Variants in CPSF7 observed in about 807,000 individuals in gnomAD.
The protein encoded by CPSF7 is cleavage and polyadenylation specificity factor subunit 7.
In CPSF7, 1 loss-of-function variant was observed where a neutral mutation model predicts 44.3. That is an observed-to-expected ratio of 0.02 (90% CI 0.01 to 0.11). CPSF7 has a LOEUF of 0.11. CPSF7 is among the 10% of genes least tolerant of loss of function. The probability of loss-of-function intolerance (pLI) is 1.00; values close to 1 mark genes in which losing one functional copy is unlikely to be tolerated. For missense variants in CPSF7, 443 were observed against 607.2 expected, an observed-to-expected ratio of 0.73 and a Z score of 2.84; for synonymous variants, 202 against 222.0, an observed-to-expected ratio of 0.91 and a Z score of 0.80.
chr11:61,414,512 T>C (rs1215101647), intron 7 of CPSF7, among the ~76,000 whole-genome samples: 1 of 152,234 alleles, frequency 6.6e-6, no homozygotes, highest in Non-Finnish European at 1.5e-5. Flanking sequence ...AGGGAACATA[T>C]GTACTTTCTG....
intron 2 of CPSF7, among the ~76,000 whole-genome samples, chr11:61,422,037 A>G (rs1435905964): frequency 6.6e-6 from 1 of 152,212 alleles, no homozygotes; most frequent in Non-Finnish European, 1.5e-5. Flanking sequence ...TCACTTGTCT[A>G]TTTAATAATA....
At chr11:61,422,723 T>C (rs1199726597) in intron 2 of CPSF7, among the ~76,000 whole-genome samples, 1 of 152,220 alleles carries the variant, frequency 6.6e-6, no homozygotes, top group Non-Finnish European at 1.5e-5. Flanking sequence ...ACAATATGAA[T>C]ATGTATTATG....
At chr11:61,424,335 T>C (rs1231462609) in intron 2 of CPSF7, among the ~76,000 whole-genome samples, 5 of 152,210 alleles carry the variant, frequency 3.3e-5, no homozygotes. Context: ...AAATCACTCT[T>C]CTATTCATGT....
At position 61,403,735 on chromosome 11, in the gene CPSF7, G is replaced by C. The variant is rs1442758475; in HGVS notation, c.*975C>G. The C allele has an allele frequency of 2.6e-5, 4 of 152,212 alleles. No homozygotes were observed. The highest frequency in any genetic ancestry group is 9.7e-5 in the African/African-American group (4 of 41,438). The allele number at this position is 152,212 out of a possible 1,614,324, so 9.4% of individuals were successfully genotyped here. ...AGCCTATGGAAGTAGGCCATATCCT[G>C]CCCAACTTGCTTCTTTCCCCATTCC... On this transcript the variant is annotated 3_prime_UTR_variant, in exon 10 of 10. Transcript: ENST00000439958.
At chr11:61,416,833 T>C (rs930172675) in intron 5 of CPSF7, among the ~76,000 whole-genome samples, 1 of 152,214 alleles carries the variant, frequency 6.6e-6, no homozygotes, top group Admixed American at 6.5e-5. Context: ...AGGATCCTGA[T>C]AGCCCACGAG....
Position 61,419,897 on chromosome 11 carries a change from C to G in CPSF7, c.523+52G>C, listed in dbSNP as rs7940494. The G allele has an allele frequency of 2.8e-3, 4,429 of 1,601,552 alleles. 119 individuals carry two copies. The African/African-American group carries it at 0.053, about 19-fold the overall frequency. On this transcript the variant is annotated intron_variant, in intron 5 of 9. Transcript: ENST00000439958. ...GAAAACAAACCCACAAACACCCCCC[C>G]CTCATACAGATGGTCTCCACGTACC...
At chr11:61,410,669 G>GGA (rs1403144099) in intron 9 of CPSF7, 1 of 287,266 alleles carries the variant, frequency 3.5e-6, no homozygotes, top group East Asian at 6.5e-5. Flanking sequence ...GGAGAAACTG[G>GGA]GATTCAAATT....
At position 61,416,387 on chromosome 11, in the gene CPSF7, G is replaced by A. The variant is rs1860341578; in HGVS notation, c.656C>T (p.Pro219Leu). The A allele has an allele frequency of 2.5e-6, 4 of 1,613,198 alleles. No individual in the cohort carries two copies. Among genetic ancestry groups the A allele is most frequent in the Non-Finnish European group, 3.4e-6 (4 of 1,179,486 alleles). ...PPSVLPYFNR[P>L]PSALPLMGLP... is the part of the protein sequence containing the mutation. ...ACCCATCAGGGGAAGGGCCGAAGGA[G>A]GACGATTGAAGTAGGGCAGCACACT... Residue 219 changes from proline (P) to leucine (L), a missense_variant, in exon 6 of 10, where the codon CCT becomes CTT. Transcript: ENST00000439958.
chr11:61,429,243 G>A lies in CPSF7; in HGVS notation c.-8C>T. ...GTCCACTCCTTCTGACATGGCTCCG[G>A]AAGGAAGATCGCGAGTCCGGAGGAT... On this transcript the variant is annotated 5_prime_UTR_variant, in exon 2 of 10. Coordinates refer to ENST00000439958, the MANE Select transcript of CPSF7 (RefSeq NM_001142565.3). 1.2e-6 allele frequency: 2 copies of A among 1,613,802 alleles called. No homozygotes were observed. The highest frequency in any genetic ancestry group is 1.7e-6 in the Non-Finnish European group (2 of 1,179,738).
intron 9 of CPSF7, among the ~76,000 whole-genome samples, chr11:61,408,055 ATC>A (rs1471374841): frequency 1.4e-5 from 2 of 141,248 alleles, no homozygotes; most frequent in African/African-American, 5.9e-5. Flanking sequence ...AATCAAGGAC[ATC>A]TTTTTTTTTT....
At chr11:61,427,026 C>CAAAA (rs71471825) in intron 2 of CPSF7, 287 of 13,676 alleles carry the variant, frequency 0.021, 27 homozygotes, top group African/African-American at 0.03. Context: ...GACTCTGTCT[C>CAAAA]AAAAAAAAAA....
At position 61,416,086 on chromosome 11, in the gene CPSF7, A is replaced by C; in HGVS notation, c.938+19T>G. On this transcript the variant is annotated intron_variant, in intron 6 of 9. Coordinates refer to ENST00000439958, the MANE Select transcript of CPSF7 (RefSeq NM_001142565.3). ...CTTATTTACCCTGGCTCAAATCTGA[A>C]AGGAACAATAGTCCTTACCTGCCAT... The C allele has an allele frequency of 6.7e-7, 1 of 1,489,746 alleles. No homozygotes were observed. Among genetic ancestry groups the C allele is most frequent in the Non-Finnish European group, 8.9e-7 (1 of 1,120,774 alleles). The allele number at this position is 1,489,746 out of a possible 1,614,324, so 92.3% of individuals were successfully genotyped here.
chr11:61,429,805 C>A (rs1350723416), intron 1 of CPSF7, 109 bp downstream of exon 1: 1 of 1,548,634 alleles, frequency 6.5e-7, no homozygotes, highest in Admixed American at 2.0e-5. Flanking sequence ...GCGACTCCCT[C>A]CGCCCGCAGA....
At chr11:61,429,477 G>A (rs1264462097) in intron 1 of CPSF7, 187 bp from the exon 2 acceptor site, 3 of 519,100 alleles carry the variant, frequency 5.8e-6, no homozygotes, top group Non-Finnish European at 9.9e-6. Context: ...GGGGGTCGCT[G>A]CCCATCACCC....
At chr11:61,423,105 CAAAA>C (rs71471824) in intron 2 of CPSF7, among the ~76,000 whole-genome samples, 2 of 52,352 alleles carry the variant, frequency 3.8e-5, no homozygotes, top group Non-Finnish European at 6.1e-5. Context: ...GACCCCATAT[CAAAA>C]AAAAAAAAAA....
At chr11:61,408,198 A>G (rs1347767021) in intron 9 of CPSF7, among the ~76,000 whole-genome samples, 2 of 151,800 alleles carry the variant, frequency 1.3e-5, no homozygotes, top group Non-Finnish European at 2.9e-5. Flanking sequence ...CTGGGACTAC[A>G]GGCACCTGCC....
Position 61,420,094 on chromosome 11 carries a change from C to T in CPSF7, c.378G>A (p.Gly126=), listed in dbSNP as rs1327396037. ...AENRANGQSK[G]YAEVVVASEN... is the part of the protein sequence containing the mutation. The stretch of plus-strand genomic sequence containing the variant: ...CAGAGGCTACCACCACCTCAGCATA[C>T]CTTAGGAAAGAAAAATTAAAAATGA... The change falls in exon 5 of 10, where the codon GGG becomes GGA. Residue 126 remains glycine (G), a splice_region_variant and synonymous_variant. Transcript: ENST00000439958. 9 of 1,591,956 alleles carry T rather than the reference C, an allele frequency of 5.7e-6. No homozygotes were observed. Among genetic ancestry groups the T allele is most frequent in the Non-Finnish European group, 7.7e-6 (9 of 1,169,686 alleles).
rs777239431 is a variant in CPSF7 at position 61,423,524 on chromosome 11, T to C, written c.55-1916A>G. On this transcript the variant is annotated intron_variant, in intron 2 of 9. Coordinates refer to ENST00000439958, the MANE Select transcript of CPSF7 (RefSeq NM_001142565.3). ...AGCATTTTATTTTTATTACAAGAAT[T>C]AGACAAAACATTCAAACAATGCTAA... is the stretch of plus-strand genomic sequence containing the variant. 9.5e-4 allele frequency among the ~76,000 whole-genome samples: 145 copies of C among 152,278 alleles called. 2 individuals are homozygous for C. In the Middle Eastern group the frequency reaches 0.01, roughly 11 times the overall value.
chr11:61,410,261 T>C (rs942326032), intron 9 of CPSF7, among the ~76,000 whole-genome samples: 2 of 151,580 alleles, frequency 1.3e-5, no homozygotes, highest in African/African-American at 4.9e-5. Flanking sequence ...ATTTTTGTAT[T>C]TTTTGTAGAG....
Sources: gnomAD v4.1 joint callset for allele counts (sites outside exome capture counted in the v4.1 genomes callset) on GRCh38, gnomAD v4.1.1 for gene constraint, MANE v1.5 for transcripts, NCBI Gene and HGNC (gene_info 2026-07-23, HGNC 2026-07-21) for gene names.